Variants in SCUBE1 observed in about 807,000 individuals in gnomAD.
SCUBE1 encodes signal peptide, CUB domain and EGF like domain containing 1.
In SCUBE1, 59 loss-of-function variants were observed where a neutral mutation model predicts 124.4. The ratio of observed to expected loss-of-function variants is 0.47; its 90% CI spans 0.38 to 0.59. SCUBE1 has a LOEUF of 0.59. Among genes scored for constraint, SCUBE1 ranks in the 20% least tolerant of loss-of-function variants. The probability of loss-of-function intolerance (pLI) is 0.00; values close to 1 mark genes in which losing one functional copy is unlikely to be tolerated. For missense variants in SCUBE1, 1,150 were observed against 1,371.2 expected (o/e 0.84, Z 2.55); for synonymous variants, 545 against 550.9 (o/e 0.99, Z 0.15).
At chr22:43,282,771 C>G (rs1924974598) in intron 4 of SCUBE1, 1 of 152,140 alleles carries the variant, frequency 6.6e-6, no homozygotes, top group East Asian at 1.9e-4. Context: ...TCTCAGCTCA[C>G]TGCAACCTCC....
At chr22:43,226,257 A>G (rs539095227) in intron 10 of SCUBE1, among the ~76,000 whole-genome samples, 3 of 152,322 alleles carry the variant, frequency 2.0e-5, no homozygotes, top group African/African-American at 2.4e-5. Flanking sequence ...GAACCTGTAA[A>G]GTGCACATTA....
At chr22:43,235,961 A>C (rs980959347) in intron 7 of SCUBE1, among the ~76,000 whole-genome samples, 5 of 151,884 alleles carry the variant, frequency 3.3e-5, no homozygotes, top group African/African-American at 1.2e-4. Context: ...CAACTCTCCC[A>C]ACCCTGCCTC....
intron 6 of SCUBE1, 194 bp from the exon 7 acceptor site, chr22:43,239,148 T>C (rs1922894966): frequency 6.7e-6 from 4 of 597,874 alleles, no homozygotes; most frequent in African/African-American, 5.6e-5. Context: ...ATCTGTGAAA[T>C]GGGGGAATGA....
At chr22:43,236,551 C>T (rs989737629) in intron 7 of SCUBE1, among the ~76,000 whole-genome samples, 5 of 152,222 alleles carry the variant, frequency 3.3e-5, no homozygotes, top group Non-Finnish European at 7.3e-5. Flanking sequence ...TGGGACCTGG[C>T]CAAGCTTGTA....
intron 4 of SCUBE1, among the ~76,000 whole-genome samples, chr22:43,284,772 C>CGTCGTT (rs1220101048): frequency 2.0e-4 from 30 of 152,140 alleles, no homozygotes; most frequent in Admixed American, 1.7e-3. Flanking sequence ...TCGTCGTCGT[C>CGTCGTT]GTCGTCGTCA....
At chr22:43,228,927 C>T in intron 9 of SCUBE1, 145 bp downstream of exon 9, 1 of 651,242 alleles carries the variant, frequency 1.5e-6, no homozygotes, top group Non-Finnish European at 2.8e-6. Flanking sequence ...GGCTGAGCCC[C>T]TCTGCCCAGG....
intron 3 of SCUBE1, among the ~76,000 whole-genome samples, chr22:43,315,667 A>C (rs1926319131): frequency 6.8e-6 from 1 of 146,778 alleles, no homozygotes; most frequent in African/African-American, 2.5e-5. Context: ...AAGGCAGAGG[A>C]GCAACAGAGA....
chr22:43,305,170 A>T (rs1002752489), intron 3 of SCUBE1, among the ~76,000 whole-genome samples: 2 of 152,176 alleles, frequency 1.3e-5, no homozygotes, highest in Admixed American at 6.5e-5. Context: ...ATAAACCTCA[A>T]TGGGTGACTG....
intron 2 of SCUBE1, among the ~76,000 whole-genome samples, chr22:43,331,247 T>C (rs1310721646): frequency 6.6e-6 from 1 of 152,206 alleles, no homozygotes; most frequent in African/African-American, 2.4e-5. Flanking sequence ...CAGGAAGTGA[T>C]TATTTACATT....
At position 43,327,225 on chromosome 22, in the gene SCUBE1, CAGAG is replaced by C. The variant is rs200330777; in HGVS notation, c.221-7164_221-7161del. On this transcript the variant is annotated intron_variant, in intron 2 of 21. Coordinates refer to ENST00000360835, the MANE Select transcript of SCUBE1 (RefSeq NM_173050.5). ...TATCTCACAGCAGCAAACCAAGGCT[CAGAG>C]ACATTGCCTGTCCTGCCTCAGATCA... Among the ~76,000 whole-genome samples, 790 of 152,260 alleles carry C rather than the reference CAGAG, an allele frequency of 5.2e-3. 6 individuals carry two copies. Among genetic ancestry groups the C allele is most frequent in the African/African-American group, 0.018 (761 of 41,546 alleles).
At chr22:43,286,188 T>C (rs1003996967) in intron 4 of SCUBE1, among the ~76,000 whole-genome samples, 2 of 152,264 alleles carry the variant, frequency 1.3e-5, no homozygotes, top group Admixed American at 1.3e-4. Flanking sequence ...TTTCAATACC[T>C]TTTTAACCCT....
In SCUBE1 at chr22:43,255,163, C is replaced by T. The variant is rs114099437; in HGVS notation, c.727+3056G>A. Among the ~76,000 whole-genome samples the T allele has an allele frequency of 1.7e-3, 264 of 152,356 alleles. 1 individual carries two copies. Among genetic ancestry groups the T allele is most frequent in the African/African-American group, 5.9e-3 (245 of 41,584 alleles). On this transcript the variant is annotated intron_variant, in intron 6 of 21. Coordinates refer to ENST00000360835, the MANE Select transcript of SCUBE1 (RefSeq NM_173050.5). This position sits in a 1 kb window ranked among gnomAD's most constrained non-coding sequence, Gnocchi z 4.7. ...GCTTTACGACACACGTCTCCTTACA[C>T]GCACAGGCCAGTGGATACTAGCCCT...
intron 3 of SCUBE1, among the ~76,000 whole-genome samples, chr22:43,291,788 C>G (rs1420374147): frequency 2.0e-5 from 3 of 152,206 alleles, no homozygotes; most frequent in Non-Finnish European, 4.4e-5. Flanking sequence ...CTGTTCTAAG[C>G]ATCTTACCTG....
chr22:43,254,126 A>G (rs1394363220), intron 6 of SCUBE1, among the ~76,000 whole-genome samples: 1 of 152,232 alleles, frequency 6.6e-6, no homozygotes, highest in South Asian at 2.1e-4. Context: ...AACAAGACAG[A>G]CCTGTCCAGA....
intron 6 of SCUBE1, among the ~76,000 whole-genome samples, chr22:43,244,322 G>A (rs746082252): frequency 1.2e-4 from 18 of 152,346 alleles, no homozygotes; most frequent in African/African-American, 2.2e-4. Context: ...ACAGGGCAGC[G>A]CTGTCTGTGT....
At chr22:43,329,338 C>T (rs1047307752) in intron 2 of SCUBE1, among the ~76,000 whole-genome samples, 1 of 152,370 alleles carries the variant, frequency 6.6e-6, no homozygotes, top group South Asian at 2.1e-4. Flanking sequence ...CAGCATTGGG[C>T]GCCATGGAAA....
Position 43,210,253 on chromosome 22 carries a change from TGGCCCGAGGGCCTCATCA to T in SCUBE1, c.2384-31_2384-14del. The stretch of plus-strand genomic sequence containing the variant: ...CCGCAGTGCTGGTCTGTGGGCACAG[TGGCCCGAGGGCCTCATCA>T]GGCTCTGCTGGGCAGGGGCCCTGGC... On this transcript the variant is annotated splice_polypyrimidine_tract_variant and intron_variant, in intron 18 of 21. Transcript: ENST00000360835. The surrounding 1 kb of genome is among the most constrained non-coding windows in gnomAD (Gnocchi z 4.5). The T allele has an allele frequency of 6.6e-7, 1 of 1,508,044 alleles. No individual in the cohort carries two copies. Among genetic ancestry groups the T allele is most frequent in the Non-Finnish European group, 8.8e-7 (1 of 1,130,934 alleles). The allele number at this position is 1,508,044 out of a possible 1,614,324, so 93.4% of individuals were successfully genotyped here.
rs187648319 is a variant in SCUBE1 at position 43,315,694 on chromosome 22, G to A, written c.349+4243C>T. Among the ~76,000 whole-genome samples the A allele has an allele frequency of 4.0e-5, 6 of 150,388 alleles. No individual in the cohort carries two copies. In the East Asian group the frequency reaches 7.9e-4, roughly 20 times the overall value. On this transcript the variant is annotated intron_variant, in intron 3 of 21. Coordinates refer to ENST00000360835, the MANE Select transcript of SCUBE1 (RefSeq NM_173050.5). ...CAACAGAGAGAGCCTTTTCTTGGCT[G>A]CTGTGTGTGCAAGTTAGAGCCGCGT...
chr22:43,203,801 C>T lies in SCUBE1; in HGVS notation c.*196G>A, dbSNP rs1197960053. 1 of 569,840 alleles carries T rather than the reference C, an allele frequency of 1.8e-6. No homozygotes were observed. Among genetic ancestry groups the T allele is most frequent in the South Asian group, 2.2e-5 (1 of 45,280 alleles). 35.3% of individuals were successfully genotyped at this position (569,840 alleles called of 1,614,324 possible). A position where few individuals can be genotyped will look rare whatever the true frequency, so the allele number is the denominator to read the frequency against. On this transcript the variant is annotated 3_prime_UTR_variant, in exon 22 of 22. Transcript: ENST00000360835. ...AGGCAGAGGGAGGGAGGGAGGCTTC[C>T]TGAAGCAGGGTGCTCCCACAGGGGC...
Sources: allele counts gnomAD v4.1 joint callset (sites outside exome capture counted in the v4.1 genomes callset), GRCh38; gene constraint gnomAD v4.1.1; non-coding constraint Gnocchi (gnomAD v3.1); transcripts MANE v1.5; gene names NCBI Gene and HGNC (gene_info 2026-07-23, HGNC 2026-07-21).